Variants in DENND10 observed in about 807,000 individuals in gnomAD.
DENND10 encodes the protein DENN domain-containing protein 10.
Under a neutral mutation model 43.6 loss-of-function variants are expected in DENND10, and 24 were observed. That is an observed-to-expected ratio of 0.55 (90% CI 0.40 to 0.77). DENND10 has a LOEUF of 0.77. Ranked by LOEUF, DENND10 falls within the 30% of genes least tolerant of loss-of-function variation. DENND10 has a pLI of 0.00. For synonymous variants in DENND10, 125 were observed against 157.6 expected, an observed-to-expected ratio of 0.79 and a Z score of 1.55; for missense variants, 303 against 429.9, an observed-to-expected ratio of 0.70 and a Z score of 2.61.
intron 6 of DENND10, among the ~76,000 whole-genome samples, chr10:119,125,651 G>C (rs1845796895): frequency 6.6e-6 from 1 of 151,636 alleles, no homozygotes; most frequent in Non-Finnish European, 1.5e-5. Flanking sequence ...GGGATTACAG[G>C]TGTGCACCAC....
intron 6 of DENND10, among the ~76,000 whole-genome samples, chr10:119,124,842 G>A (rs1258287566): frequency 1.3e-5 from 2 of 152,048 alleles, no homozygotes; most frequent in African/African-American, 2.4e-5. Flanking sequence ...TGGGGTGATC[G>A]CCTGAGCCCA....
chr10:119,105,838 T>C (rs368112075), intron 1 of DENND10, among the ~76,000 whole-genome samples: 1 of 151,998 alleles, frequency 6.6e-6, no homozygotes, highest in East Asian at 1.9e-4. Context: ...ACTGAGATCA[T>C]GCCACTGTAC....
chr10:119,129,689 C>T (rs1845998336), intron 7 of DENND10, 67 bp downstream of exon 7: 1 of 1,158,976 alleles, frequency 8.6e-7, no homozygotes, highest in Non-Finnish European at 1.3e-6. Flanking sequence ...TAGGCTGATT[C>T]TCTAAAACCA....
At chr10:119,131,848 C>G (rs1351733522) in intron 7 of DENND10, among the ~76,000 whole-genome samples, 1 of 152,218 alleles carries the variant, frequency 6.6e-6, no homozygotes. Context: ...GCCACTTAAG[C>G]AGCTGAAGCA....
chr10:119,122,716 A>G (rs373942511), intron 5 of DENND10, among the ~76,000 whole-genome samples: 2 of 152,132 alleles, frequency 1.3e-5, no homozygotes, highest in African/African-American at 4.8e-5. Context: ...AGAGAAATCT[A>G]TGTCTTAGGG....
intron 1 of DENND10, chr10:119,105,424 C>T (rs1445551902): frequency 1.2e-5 from 6 of 503,900 alleles, no homozygotes; most frequent in Non-Finnish European, 1.8e-5. Flanking sequence ...GTAGCTGGGA[C>T]CTCAGGCGTG....
rs748394240 is a variant in DENND10, at chr10:119,107,406, C to CT, written c.56-547dup. Among the ~76,000 whole-genome samples the CT allele has an allele frequency of 8.9e-3, 1,252 of 140,364 alleles. 32 individuals carry two copies. In the East Asian group the frequency reaches 0.11, roughly 12 times the overall value. 92.1% of individuals were successfully genotyped at this position (140,364 alleles called of 152,430 possible). A position where few individuals can be genotyped will look rare whatever the true frequency, so the allele number is the denominator to read the frequency against. Reference sequence around the variant, plus strand: ...GAGAAACTCTAACATCTTTCTTTGTCTTTTTTTTTTTTTTTGAGACCAAGT... The same window carrying CT: ...GAGAAACTCTAACATCTTTCTTTGTCTTTTTTTTTTTTTTTTGAGACCAAGT... On this transcript the variant is annotated intron_variant, in intron 1 of 8. Transcript: ENST00000361432.
intron 4 of DENND10, among the ~76,000 whole-genome samples, chr10:119,119,640 C>T (rs778736255): frequency 2.6e-5 from 4 of 152,068 alleles, no homozygotes; most frequent in Non-Finnish European, 5.9e-5. Context: ...GTCTCAAACT[C>T]CTGGGCTCAA....
Position 119,137,668 on chromosome 10 carries a change from G to A in DENND10, c.*1021G>A, listed in dbSNP as rs1846419720. 3 of 165,032 alleles carry A rather than the reference G, an allele frequency of 1.8e-5. No individual in the cohort carries two copies. The South Asian group carries it at 6.4e-4, about 35-fold the overall frequency. The allele number at this position is 165,032 out of a possible 1,614,324, so 10.2% of individuals were successfully genotyped here. ...AAAGGATTATTTTTCACTCAGTACT[G>A]ATGTCCTTGGAAATCTTACCTGGAA... On this transcript the variant is annotated 3_prime_UTR_variant, in exon 9 of 9. Coordinates refer to ENST00000361432, the MANE Select transcript of DENND10 (RefSeq NM_207009.4).
intron 1 of DENND10, among the ~76,000 whole-genome samples, chr10:119,107,028 C>T (rs1844726832): frequency 6.7e-6 from 1 of 150,248 alleles, no homozygotes; most frequent in South Asian, 2.1e-4. Flanking sequence ...CCAGCCTGGG[C>T]AATAAGAGCA....
rs569072978 is a variant in DENND10, at chr10:119,137,474, A to C, written c.*827A>C. ...AGGGAATATGAGATTAACTTCCTAC[A>C]GGGGCCAAAACCAGAGAAAGGCTTC... On this transcript the variant is annotated 3_prime_UTR_variant, in exon 9 of 9. Coordinates refer to ENST00000361432, the MANE Select transcript of DENND10 (RefSeq NM_207009.4). 6.0e-6 allele frequency: 1 copy of C among 167,000 alleles called. No homozygotes were observed. Among genetic ancestry groups the C allele is most frequent in the African/African-American group, 2.4e-5 (1 of 41,516 alleles). 10.3% of individuals were successfully genotyped at this position (167,000 alleles called of 1,614,324 possible). A position where few individuals can be genotyped will look rare whatever the true frequency, so the allele number is the denominator to read the frequency against.
At chr10:119,129,431 C>T (rs1273218058) in intron 6 of DENND10, 84 bp from the exon 7 acceptor site, 6 of 827,852 alleles carry the variant, frequency 7.2e-6, no homozygotes, top group Non-Finnish European at 1.2e-5. Context: ...AGAGAGCAGT[C>T]GATGAGCTTT....
At position 119,137,882 on chromosome 10, in the gene DENND10, C is replaced by CT. The variant is rs1314595610; in HGVS notation, c.*1241dup. On this transcript the variant is annotated 3_prime_UTR_variant, in exon 9 of 9. Transcript: ENST00000361432. The stretch of plus-strand genomic sequence containing the variant: ...TTATGGAAATGAGGAATATTAACAT[C>CT]TTTTTTCTCATTTTTTTGTATTACT... 2 of 164,562 alleles carry CT rather than the reference C, an allele frequency of 1.2e-5. No homozygotes were observed. The highest frequency in any genetic ancestry group is 2.9e-5 in the Non-Finnish European group (2 of 67,948). The allele number at this position is 164,562 out of a possible 1,614,324, so 10.2% of individuals were successfully genotyped here.
rs770181873 is a variant in DENND10 at position 119,136,656 on chromosome 10, C to T, written c.*9C>T. The T allele has an allele frequency of 2.9e-6, 4 of 1,367,618 alleles. No homozygotes were observed. Among genetic ancestry groups the T allele is most frequent in the Non-Finnish European group, 4.0e-6 (4 of 1,003,960 alleles). The allele number at this position is 1,367,618 out of a possible 1,614,324, so 84.7% of individuals were successfully genotyped here. A position where few individuals can be genotyped will look rare whatever the true frequency, so the allele number is the denominator to read the frequency against. On this transcript the variant is annotated 3_prime_UTR_variant, in exon 9 of 9. Transcript: ENST00000361432. ...AAATGCTGAAAATCTGACTGTGTGACAGAACGTATCACTGATGACTGATAG... is the reference window on the plus strand; with the variant it reads ...AAATGCTGAAAATCTGACTGTGTGATAGAACGTATCACTGATGACTGATAG...
rs1846389140 is a variant in DENND10 at position 119,136,915 on chromosome 10, C to A, written c.*268C>A. On this transcript the variant is annotated 3_prime_UTR_variant, in exon 9 of 9. Coordinates refer to ENST00000361432, the MANE Select transcript of DENND10 (RefSeq NM_207009.4). ...GTAACATTACAGAACAGCTAGAGGT[C>A]CTGGGGTAAGAGAAAAAAAGCACAT... 1.2e-5 allele frequency: 4 copies of A among 346,394 alleles called. No individual in the cohort carries two copies. In the East Asian group the frequency reaches 2.2e-4, roughly 19 times the overall value. 21.5% of individuals were successfully genotyped at this position (346,394 alleles called of 1,614,324 possible). A position where few individuals can be genotyped will look rare whatever the true frequency, so the allele number is the denominator to read the frequency against.
intron 3 of DENND10, among the ~76,000 whole-genome samples, chr10:119,112,775 G>A (rs560957104): frequency 3.3e-5 from 5 of 151,650 alleles, no homozygotes; most frequent in South Asian, 2.1e-4. Context: ...GATTATAGGC[G>A]TGATGAAACT....
chr10:119,116,019 C>T (rs2133478802), intron 3 of DENND10, among the ~76,000 whole-genome samples: 1 of 152,282 alleles, frequency 6.6e-6, no homozygotes, highest in South Asian at 2.1e-4. Context: ...CCACCTTGGC[C>T]TCCCAAAGTG....
rs182334243 is a variant in DENND10, at chr10:119,132,823, A to C, written c.897+214A>C. ...TTACTGGGCTCGAGGGCAGGTATAC[A>C]CAGGGGCTGGTGCTGACACCGACCG... On this transcript the variant is annotated intron_variant, in intron 8 of 8. Transcript: ENST00000361432. This position sits in a 1 kb window ranked among gnomAD's most constrained non-coding sequence, Gnocchi z 4.2. 1.8e-6 allele frequency: 1 copy of C among 554,668 alleles called. No homozygotes were observed. The highest frequency in any genetic ancestry group is 1.9e-5 in the African/African-American group (1 of 52,908). The allele number at this position is 554,668 out of a possible 1,614,324, so 34.4% of individuals were successfully genotyped here.
intron 7 of DENND10, among the ~76,000 whole-genome samples, chr10:119,130,013 CT>C (rs199747044): frequency 5.3e-4 from 78 of 146,360 alleles, no homozygotes; most frequent in Admixed American, 7.5e-4. Context: ...TTTTCTTCTT[CT>C]TTTTTTTTTT....
Sources: gnomAD v4.1 joint callset for allele counts (sites outside exome capture counted in the v4.1 genomes callset) on GRCh38, gnomAD v4.1.1 for gene constraint, Gnocchi (gnomAD v3.1) non-coding constraint, MANE v1.5 for transcripts, NCBI Gene and HGNC (gene_info 2026-07-23, HGNC 2026-07-21) for gene names.